CNTN5: variants seen among roughly 807,000 people sequenced by gnomAD.
CNTN5 encodes contactin-5.
A neutral mutation model predicts 129.1 loss-of-function variants in CNTN5; 77 were observed. The ratio of observed to expected loss-of-function variants is 0.60; its 90% CI spans 0.50 to 0.72. The LOEUF is 0.72. Ranked by LOEUF, CNTN5 falls within the 30% of genes least tolerant of loss-of-function variation. The pLI is 0.00. For missense variants in CNTN5, 1,478 were observed against 1,328.8 expected (o/e 1.11, Z -1.75); for synonymous variants, 509 against 465.6 (o/e 1.09, Z -1.20).
chr11:99,733,341 C>T (rs746233318), intron 3 of CNTN5, among the ~76,000 whole-genome samples: 4 of 145,694 alleles, frequency 2.7e-5, no homozygotes, highest in Non-Finnish European at 6.0e-5. Flanking sequence ...AAAAAAAAGC[C>T]TTAATGTGGC....
At chr11:99,485,657 G>T (rs1399956441) in intron 2 of CNTN5, among the ~76,000 whole-genome samples, 1 of 151,910 alleles carries the variant, frequency 6.6e-6, no homozygotes, top group Non-Finnish European at 1.5e-5. Context: ...GATAAAATGA[G>T]ATTTTCTCTG....
chr11:100,327,844 T>C (rs1265538021), intron 21 of CNTN5, among the ~76,000 whole-genome samples: 1 of 152,106 alleles, frequency 6.6e-6, no homozygotes, highest in Non-Finnish European at 1.5e-5. Context: ...AAAGACAAAA[T>C]TTGATTATTA....
chr11:100,080,264 AT>A (rs1198237110), intron 13 of CNTN5, among the ~76,000 whole-genome samples: 8 of 152,150 alleles, frequency 5.3e-5, no homozygotes, highest in Non-Finnish European at 1.0e-4. Context: ...TACAAAAAAA[AT>A]AAAATTATCC....
chr11:99,422,529 TA>T (rs1565569275), intron 2 of CNTN5, among the ~76,000 whole-genome samples: 58 of 48,194 alleles, frequency 1.2e-3, no homozygotes, highest in African/African-American at 3.2e-3. Flanking sequence ...TATATATATA[TA>T]TATATATATA....
intron 6 of CNTN5, among the ~76,000 whole-genome samples, chr11:99,867,976 A>T (rs1948399520): frequency 1.3e-5 from 2 of 152,172 alleles, no homozygotes; most frequent in Admixed American, 1.3e-4. Context: ...GCTGTTTGGG[A>T]GGCTGAGTCA....
At position 99,966,142 on chromosome 11, in the gene CNTN5, A is replaced by G. The variant is rs186291691; in HGVS notation, c.877+9133A>G. The stretch of plus-strand genomic sequence containing the variant: ...GAGCTGGCTAAAAAAAATCATTTCA[A>G]GAACATTGTGTTTTTACACTTCTCT... On this transcript the variant is annotated intron_variant, in intron 8 of 24. Coordinates refer to ENST00000524871, the MANE Select transcript of CNTN5 (RefSeq NM_014361.4). Among the ~76,000 whole-genome samples the G allele has an allele frequency of 3.6e-3, 550 of 152,314 alleles. 5 individuals are homozygous for G. The highest frequency in any genetic ancestry group is 5.3e-3 in the Non-Finnish European group (360 of 68,020).
At chr11:100,047,010 T>C (rs970024789) in intron 9 of CNTN5, among the ~76,000 whole-genome samples, 34 of 152,246 alleles carry the variant, frequency 2.2e-4, no homozygotes, top group African/African-American at 7.5e-4. Flanking sequence ...CTGAGGTGAC[T>C]GAAATTTATA....
At chr11:99,038,135 C>G (rs1489032860) in intron 1 of CNTN5, among the ~76,000 whole-genome samples, 1 of 151,938 alleles carries the variant, frequency 6.6e-6, no homozygotes, top group African/African-American at 2.4e-5. Flanking sequence ...AGAGTGAGCT[C>G]TCAGTTAAGT....
chr11:100,278,119 C>T (rs474241), intron 18 of CNTN5, among the ~76,000 whole-genome samples: 129,644 of 152,118 alleles, frequency 0.85, 55,344 homozygotes, highest in East Asian at 0.95. Context: ...AAGTTCATTG[C>T]AGATGTATGG....
At chr11:99,833,938 G>T (rs374820237) in intron 4 of CNTN5, among the ~76,000 whole-genome samples, 7 of 152,190 alleles carry the variant, frequency 4.6e-5, no homozygotes, top group South Asian at 2.1e-4. Flanking sequence ...TTTCATTTAG[G>T]TAGTAGAGAC....
At chr11:99,899,005 T>C (rs1352831318) in intron 6 of CNTN5, among the ~76,000 whole-genome samples, 3 of 152,034 alleles carry the variant, frequency 2.0e-5, no homozygotes, top group African/African-American at 7.2e-5. Context: ...GCTGTTGAGA[T>C]CTTAATTTGG....
chr11:100,205,882 A>ATC (rs1948901953), intron 15 of CNTN5, among the ~76,000 whole-genome samples: 1 of 152,120 alleles, frequency 6.6e-6, no homozygotes, highest in Non-Finnish European at 1.5e-5. Flanking sequence ...CCATGGATAC[A>ATC]GAAGGCAACT....
At chr11:99,607,918 G>A (rs1267456034) in intron 3 of CNTN5, among the ~76,000 whole-genome samples, 1 of 117,300 alleles carries the variant, frequency 8.5e-6, no homozygotes, top group Non-Finnish European at 1.8e-5. Context: ...CATGGACACA[G>A]GAAGGGGAAT....
chr11:99,301,508 T>A (rs1484572327), intron 1 of CNTN5, among the ~76,000 whole-genome samples: 1 of 151,794 alleles, frequency 6.6e-6, no homozygotes, highest in Non-Finnish European at 1.5e-5. Flanking sequence ...GGGCATTGTA[T>A]TATAAAAATA....
chr11:99,771,129 T>A (rs10790954), intron 3 of CNTN5, among the ~76,000 whole-genome samples: 19,657 of 152,032 alleles, frequency 0.13, 1,544 homozygotes, highest in Non-Finnish European at 0.17. Flanking sequence ...TGAATTAATA[T>A]AACCATTTTC....
At chr11:99,970,597 A>C (rs941440492) in intron 8 of CNTN5, among the ~76,000 whole-genome samples, 2 of 152,218 alleles carry the variant, frequency 1.3e-5, no homozygotes, top group Admixed American at 1.3e-4. Flanking sequence ...GTTATTTAAC[A>C]AACTTTAGTA....
rs573359676 is a variant in CNTN5, at chr11:99,477,384, T to C, written c.-70-78761T>C. Among the ~76,000 whole-genome samples the C allele has an allele frequency of 2.0e-5, 3 of 152,176 alleles. No individual in the cohort carries two copies. The East Asian group carries it at 5.8e-4, about 29-fold the overall frequency. On this transcript the variant is annotated intron_variant, in intron 2 of 24. Transcript: ENST00000524871. Reference sequence around the variant, plus strand: ...TGAATCTAGTATTTTCTTCATTGTATAACTAAACTCTGAGTCTCTTTCCAT... The same window carrying C: ...TGAATCTAGTATTTTCTTCATTGTACAACTAAACTCTGAGTCTCTTTCCAT...
At chr11:100,077,808 G>T (rs1344452981) in intron 13 of CNTN5, among the ~76,000 whole-genome samples, 1 of 151,986 alleles carries the variant, frequency 6.6e-6, no homozygotes, top group African/African-American at 2.4e-5. Context: ...CTGAGCTCCA[G>T]CCTGGATGAC....
chr11:99,093,021 A>G (rs1245580506), intron 1 of CNTN5, among the ~76,000 whole-genome samples: 1 of 152,046 alleles, frequency 6.6e-6, no homozygotes, highest in Non-Finnish European at 1.5e-5. Context: ...TTATTTCTTG[A>G]ATTTTAAGAT....
Sources: allele counts gnomAD v4.1 joint callset (sites outside exome capture counted in the v4.1 genomes callset), GRCh38; gene constraint gnomAD v4.1.1; transcripts MANE v1.5; gene names NCBI Gene and HGNC (gene_info 2026-07-23, HGNC 2026-07-21).